NUPR1: variants seen among roughly 807,000 people sequenced by gnomAD.
NUPR1 encodes the protein nuclear protein 1, transcriptional regulator.
NUPR1 carries 8 observed loss-of-function variants against 7.3 expected under a neutral mutation model. The ratio of observed to expected loss-of-function variants is 1.09; its 90% CI spans 0.64 to 1.97. NUPR1 has a LOEUF of 1.97. Among genes scored for constraint, NUPR1 ranks in the 30% most tolerant of loss-of-function variants. The pLI is 0.00. For synonymous variants in NUPR1, 39 were observed against 44.5 expected, an observed-to-expected ratio of 0.88 and a Z score of 0.49; for missense variants, 96 against 111.7, an observed-to-expected ratio of 0.86 and a Z score of 0.63.
In NUPR1 at chr16:28,534,213, A is replaced by C. The variant is rs1160569314; in HGVS notation, c.*3470T>G. ...TAGTGGTATTCAAACAAGCAGAGGC[A>C]ATCCCACTGTTGCGTGGGGAGAGTT... On this transcript the variant is annotated 3_prime_UTR_variant, in exon 3 of 3. Coordinates refer to ENST00000324873, the MANE Select transcript of NUPR1 (RefSeq NM_012385.3). 6.6e-6 allele frequency: 1 copy of C among 152,100 alleles called. No individual in the cohort carries two copies. The highest frequency in any genetic ancestry group is 6.6e-5 in the Admixed American group (1 of 15,240). 9.4% of individuals were successfully genotyped at this position (152,100 alleles called of 1,614,324 possible).
Position 28,532,771 on chromosome 16 carries a change from G to A in NUPR1, c.*4912C>T, listed in dbSNP as rs1358008196. The A allele has an allele frequency of 6.6e-6, 1 of 152,146 alleles. No homozygotes were observed. Among genetic ancestry groups the A allele is most frequent in the Non-Finnish European group, 1.5e-5 (1 of 68,026 alleles). The allele number at this position is 152,146 out of a possible 1,614,324, so 9.4% of individuals were successfully genotyped here. A position where few individuals can be genotyped will look rare whatever the true frequency, so the allele number is the denominator to read the frequency against. ...TTCTTCCCAGGCATGTAGCAAAGGG[G>A]GAAAAATCCAGGCTTTAAAATTCAG... On this transcript the variant is annotated 3_prime_UTR_variant, in exon 3 of 3. Coordinates refer to ENST00000324873, the MANE Select transcript of NUPR1 (RefSeq NM_012385.3).
Position 28,535,540 on chromosome 16 carries a change from T to TTTCTTTCTTTCCTTCCTTCC in NUPR1, c.*2142_*2143insGGAAGGAAGGAAAGAAAGAA, listed in dbSNP as rs1487422180. The TTTCTTTCTTTCCTTCCTTCC allele has an allele frequency of 1.5e-5, 1 of 65,060 alleles. No homozygotes were observed. Among genetic ancestry groups the TTTCTTTCTTTCCTTCCTTCC allele is most frequent in the African/African-American group, 4.8e-5 (1 of 20,778 alleles). The allele number at this position is 65,060 out of a possible 1,614,324, so 4.0% of individuals were successfully genotyped here. A position where few individuals can be genotyped will look rare whatever the true frequency, so the allele number is the denominator to read the frequency against. On this transcript the variant is annotated 3_prime_UTR_variant, in exon 3 of 3. Coordinates refer to ENST00000324873, the MANE Select transcript of NUPR1 (RefSeq NM_012385.3). Reference sequence around the variant, plus strand: ...CTTTCTTTCTTTCTTTCTTTCTTTCTTTCCTTCTTTCTTTCTTTCTTTCCT... The same window carrying TTTCTTTCTTTCCTTCCTTCC: ...CTTTCTTTCTTTCTTTCTTTCTTTCTTTCTTTCTTTCCTTCCTTCCTTCCTTCTTTCTTTCTTTCTTTCCT...
rs1957261743 is a variant in NUPR1, at chr16:28,536,426, G to A, written c.*1257C>T. 1 of 151,960 alleles carries A rather than the reference G, an allele frequency of 6.6e-6. No individual in the cohort carries two copies. Among genetic ancestry groups the A allele is most frequent in the African/African-American group, 2.4e-5 (1 of 41,304 alleles). 9.4% of individuals were successfully genotyped at this position (151,960 alleles called of 1,614,324 possible). A position where few individuals can be genotyped will look rare whatever the true frequency, so the allele number is the denominator to read the frequency against. On this transcript the variant is annotated 3_prime_UTR_variant, in exon 3 of 3. Coordinates refer to ENST00000324873, the MANE Select transcript of NUPR1 (RefSeq NM_012385.3). The stretch of plus-strand genomic sequence containing the variant: ...TAATCCCAGCTACTCAGGGGGCGTA[G>A]GCACGAGAATTGCTTGAACCCGGGA...
rs763979368 is a variant in NUPR1 at position 28,538,930 on chromosome 16, CCT to C, written c.-25_-24del. 3 of 1,589,540 alleles carry C rather than the reference CCT, an allele frequency of 1.9e-6. No homozygotes were observed. The highest frequency in any genetic ancestry group is 1.1e-5 in the South Asian group (1 of 90,370). On this transcript the variant is annotated 5_prime_UTR_variant, in exon 1 of 3. Coordinates refer to ENST00000324873, the MANE Select transcript of NUPR1 (RefSeq NM_012385.3). ...CATCGTGCCTGGCTTGTCTTCCCTG[CCT>C]CTCTTCTTCTCCTAACGCTTTGTCT...
chr16:28,538,249 G>A, intron 1 of NUPR1, 94 bp from the exon 2 acceptor site: 1 of 1,571,716 alleles, frequency 6.4e-7, no homozygotes, highest in Non-Finnish European at 8.7e-7. Flanking sequence ...TGTGGGGATG[G>A]GAAGAGCAGG....
Position 28,535,962 on chromosome 16 carries a change from T to G in NUPR1, c.*1721A>C, listed in dbSNP as rs2046620728. On this transcript the variant is annotated 3_prime_UTR_variant, in exon 3 of 3. Transcript: ENST00000324873. ...CTGGCCTCAAGCGATCCTCCCTCCT[T>G]GGCCTCCCAAAGGCTGGAAGGCTGA... 6.6e-6 allele frequency: 1 copy of G among 152,060 alleles called. No homozygotes were observed. Among genetic ancestry groups the G allele is most frequent in the Admixed American group, 6.6e-5 (1 of 15,258 alleles). The allele number at this position is 152,060 out of a possible 1,614,324, so 9.4% of individuals were successfully genotyped here. A position where few individuals can be genotyped will look rare whatever the true frequency, so the allele number is the denominator to read the frequency against.
intron 1 of NUPR1, 196 bp from the exon 2 acceptor site, chr16:28,538,351 AT>A: frequency 1.3e-6 from 1 of 746,986 alleles, no homozygotes; most frequent in Non-Finnish European, 2.2e-6. Flanking sequence ...GGGATAAGGG[AT>A]TAGACAGGGG....
At position 28,534,240 on chromosome 16, in the gene NUPR1, G is replaced by A. The variant is rs942127693; in HGVS notation, c.*3443C>T. ...TCCCACTGTTGCGTGGGGAGAGTTGGGCCAGAGGTCCTTAAATGTCCTTCC... is the reference window on the plus strand; with the variant it reads ...TCCCACTGTTGCGTGGGGAGAGTTGAGCCAGAGGTCCTTAAATGTCCTTCC... On this transcript the variant is annotated 3_prime_UTR_variant, in exon 3 of 3. Coordinates refer to ENST00000324873, the MANE Select transcript of NUPR1 (RefSeq NM_012385.3). 1 of 152,128 alleles carries A rather than the reference G, an allele frequency of 6.6e-6. No individual in the cohort carries two copies. The highest frequency in any genetic ancestry group is 1.5e-5 in the Non-Finnish European group (1 of 68,058). The allele number at this position is 152,128 out of a possible 1,614,324, so 9.4% of individuals were successfully genotyped here. A position where few individuals can be genotyped will look rare whatever the true frequency, so the allele number is the denominator to read the frequency against.
chr16:28,535,547 CTTT>C lies in NUPR1; in HGVS notation c.*2133_*2135del, dbSNP rs1479700874. The C allele has an allele frequency of 2.9e-4, 8 of 27,378 alleles. No individual in the cohort carries two copies. In the South Asian group the frequency reaches 5.3e-3, roughly 18 times the overall value. The allele number at this position is 27,378 out of a possible 1,614,324, so 1.7% of individuals were successfully genotyped here. The stretch of plus-strand genomic sequence containing the variant: ...TCTTTCTTTCTTTCTTTCTTTCCTT[CTTT>C]CTTTCTTTCTTTCCTTCCTTCCTTT... On this transcript the variant is annotated 3_prime_UTR_variant, in exon 3 of 3. Transcript: ENST00000324873.
chr16:28,538,797 GAGGTAGGAATGGGCC>G lies in NUPR1; in HGVS notation c.96_110del (p.Ala33_Leu37del). 1 of 1,604,508 alleles carries G rather than the reference GAGGTAGGAATGGGCC, an allele frequency of 6.2e-7. No individual in the cohort carries two copies. Among genetic ancestry groups the G allele is most frequent in the Non-Finnish European group, 8.5e-7 (1 of 1,173,706 alleles). Reference sequence around the variant, plus strand: ...TGGAGATGGCTGAGTGGGCCTTACCGAGGTAGGAATGGGCCAGGCTATAGAGGTCAGATTCATCCA... The same window carrying G: ...TGGAGATGGCTGAGTGGGCCTTACCGAGGCTATAGAGGTCAGATTCATCCA... On this transcript the variant is annotated inframe_deletion and splice_region_variant, in exon 1 of 3. Transcript: ENST00000324873.
rs745928640 is a variant in NUPR1 at position 28,538,922 on chromosome 16, C to G, written c.-15G>C. ...AAGGTGGCCATCGTGCCTGGCTTGT[C>G]TTCCCTGCCTCTCTTCTTCTCCTAA... is the stretch of plus-strand genomic sequence containing the variant. On this transcript the variant is annotated 5_prime_UTR_variant, in exon 1 of 3. Coordinates refer to ENST00000324873, the MANE Select transcript of NUPR1 (RefSeq NM_012385.3). 6.2e-7 allele frequency: 1 copy of G among 1,601,766 alleles called. No homozygotes were observed. The highest frequency in any genetic ancestry group is 1.7e-5 in the Admixed American group (1 of 58,950).
At position 28,537,452 on chromosome 16, in the gene NUPR1, TC is replaced by T. The variant is rs1473325755; in HGVS notation, c.*230del. ...TGTAGCTTTCTTTTCTGGGGGATCT[TC>T]CTGGCTCTGCCCCTCCATTCCCAGC... On this transcript the variant is annotated 3_prime_UTR_variant, in exon 3 of 3. Transcript: ENST00000324873. 1.3e-5 allele frequency: 2 copies of T among 152,398 alleles called. No homozygotes were observed. Among genetic ancestry groups the T allele is most frequent in the African/African-American group, 4.8e-5 (2 of 41,446 alleles). The allele number at this position is 152,398 out of a possible 1,614,324, so 9.4% of individuals were successfully genotyped here.
rs762900356 is a variant in NUPR1 at position 28,538,087 on chromosome 16, C to G, written c.181G>C (p.Gly61Arg). ...AANTNRPSPGGHERKLVTKLQ... is the reference protein window; with the variant it reads ...AANTNRPSPGRHERKLVTKLQ... ...TTGGTCACCAGTTTCCTCTCGTGCC[C>G]GCCAGGGCTGGGGCGGTTGGTGTTG... The change falls in exon 2 of 3, where the codon GGG becomes CGG. Residue 61 changes from glycine to arginine, a missense_variant. Coordinates refer to ENST00000324873, the MANE Select transcript of NUPR1 (RefSeq NM_012385.3). The G allele has an allele frequency of 6.2e-7, 1 of 1,614,162 alleles. No individual in the cohort carries two copies. Among genetic ancestry groups the G allele is most frequent in the Middle Eastern group, 1.6e-4 (1 of 6,062 alleles).
In NUPR1 at chr16:28,535,606, T is replaced by TTCTA. The variant is rs1491571635; in HGVS notation, c.*2076_*2077insTAGA. ...TTTCTTTCTTTCTTTCTTTCTTTCT[T>TTCTA]TCTTTCTTTCTTTCTTCTCTTTCTC... On this transcript the variant is annotated 3_prime_UTR_variant, in exon 3 of 3. Coordinates refer to ENST00000324873, the MANE Select transcript of NUPR1 (RefSeq NM_012385.3). 1.5e-4 allele frequency: 1 copy of TTCTA among 6,648 alleles called. No homozygotes were observed. 0.4% of individuals were successfully genotyped at this position (6,648 alleles called of 1,614,324 possible).
At position 28,535,571 on chromosome 16, in the gene NUPR1, C is replaced by CTTTCTTTCTTTCCTTCCTTCCTTTCTTT. The variant is rs1555472555; in HGVS notation, c.*2111_*2112insAAAGAAAGGAAGGAAGGAAAGAAAGAAA. The CTTTCTTTCTTTCCTTCCTTCCTTTCTTT allele has an allele frequency of 1.4e-5, 1 of 71,950 alleles. No individual in the cohort carries two copies. The highest frequency in any genetic ancestry group is 5.9e-5 in the African/African-American group (1 of 16,932). 4.5% of individuals were successfully genotyped at this position (71,950 alleles called of 1,614,324 possible). On this transcript the variant is annotated 3_prime_UTR_variant, in exon 3 of 3. Transcript: ENST00000324873. ...TCTTTCTTTCTTTCTTTCCTTCCTTCCTTTCTTTCTTTCTTTCTTTCTTTC... is the reference window on the plus strand; with the variant it reads ...TCTTTCTTTCTTTCTTTCCTTCCTTCTTTCTTTCTTTCCTTCCTTCCTTTCTTTCTTTCTTTCTTTCTTTCTTTCTTTC...
Position 28,535,507 on chromosome 16 carries a change from C to T in NUPR1, c.*2176G>A, listed in dbSNP as rs1471602490. The T allele has an allele frequency of 5.5e-5, 3 of 54,286 alleles. No homozygotes were observed. Among genetic ancestry groups the T allele is most frequent in the Non-Finnish European group, 1.1e-4 (3 of 26,456 alleles). 3.4% of individuals were successfully genotyped at this position (54,286 alleles called of 1,614,324 possible). On this transcript the variant is annotated 3_prime_UTR_variant, in exon 3 of 3. Transcript: ENST00000324873. ...CCACTGTGCCGGGGCTCGCTCTTTT[C>T]TTTCTTTCTTTCTTTCTTTCTTTCT...
intron 1 of NUPR1, 21 bp from the exon 2 acceptor site, chr16:28,538,176 A>G: frequency 1.2e-6 from 2 of 1,613,850 alleles, no homozygotes; most frequent in Non-Finnish European, 1.7e-6. Flanking sequence ...GGCAGGAGTC[A>G]GAGGTGAAGT....
Position 28,538,145 on chromosome 16 carries a change from G to T in NUPR1, c.123C>A (p.Gly41=). 2 of 1,614,154 alleles carry T rather than the reference G, an allele frequency of 1.2e-6. No homozygotes were observed. Among genetic ancestry groups the T allele is most frequent in the Non-Finnish European group, 1.7e-6 (2 of 1,180,034 alleles). Residue 41 remains glycine (G), a synonymous_variant, in exon 2 of 3, where the codon GGC becomes GGA. Transcript: ENST00000324873. ...CTTCTCTCTTGGTGCGACCTTTCCG[G>T]CCTCCACCTCCTGTAACCAAGGCAG... ...SLAHSYLGGG[G]RKGRTKREAA...
At position 28,533,350 on chromosome 16, in the gene NUPR1, A is replaced by G. The variant is rs1345286350; in HGVS notation, c.*4333T>C. The G allele has an allele frequency of 6.6e-6, 1 of 152,220 alleles. No homozygotes were observed. The highest frequency in any genetic ancestry group is 1.5e-5 in the Non-Finnish European group (1 of 68,086). The allele number at this position is 152,220 out of a possible 1,614,324, so 9.4% of individuals were successfully genotyped here. On this transcript the variant is annotated 3_prime_UTR_variant, in exon 3 of 3. Transcript: ENST00000324873. Reference sequence around the variant, plus strand: ...GGGTCGGCCTGGGGTGGAGGTCAGGAGATGGGTGGAGGATTGCAAGTTAAG... The same window carrying G: ...GGGTCGGCCTGGGGTGGAGGTCAGGGGATGGGTGGAGGATTGCAAGTTAAG...
Sources: gnomAD v4.1 joint callset for allele counts on GRCh38, gnomAD v4.1.1 for gene constraint, MANE v1.5 for transcripts, NCBI Gene and HGNC (gene_info 2026-07-23, HGNC 2026-07-21) for gene names.